The following KCNQ3 variants were observed in gnomAD, a reference collection of about 807,000 sequenced individuals.
KCNQ3 encodes potassium voltage-gated channel subfamily KQT member 3.
Under a neutral mutation model 92.5 loss-of-function variants are expected in KCNQ3, and 30 were observed. The observed-to-expected ratio is 0.32, with a 90% CI of 0.24 to 0.44. KCNQ3 has a LOEUF of 0.44. KCNQ3 is among the 20% of genes least tolerant of loss of function. KCNQ3 has a pLI of 1.00. For missense variants in KCNQ3, 913 were observed against 1,140.3 expected, an observed-to-expected ratio of 0.80 and a Z score of 2.87; for synonymous variants, 450 against 468.8, an observed-to-expected ratio of 0.96 and a Z score of 0.52.
At chr8:132,424,554 T>C (rs1299649698) in intron 1 of KCNQ3, among the ~76,000 whole-genome samples, 1 of 152,192 alleles carries the variant, frequency 6.6e-6, no homozygotes, top group Non-Finnish European at 1.5e-5. Context: ...TCCTGCCTCA[T>C]CAGGAGAAGG....
rs1824773526 is a variant in KCNQ3 at position 132,129,299 on chromosome 8, G to A, written c.2582C>T (p.Ser861Phe). ...ATTGGAAGGGGTCCATACTGAATCA[G>A]AAATCCCATCCCCTGTGGACGACAG... ...MPLSSTGDGISDSVWTPSNKP... is the reference protein window; with the variant it reads ...MPLSSTGDGIFDSVWTPSNKP... Residue 861 changes from serine (S) to phenylalanine (F), a missense_variant, in exon 15 of 15, where the codon TCT becomes TTT. Physicochemically the swap from Ser to Phe is radical, Grantham distance 155 (BLOSUM62 -2). Transcript: ENST00000388996. The surrounding 1 kb of genome is among the most constrained non-coding windows in gnomAD (Gnocchi z 5.9). 7.4e-6 allele frequency: 12 copies of A among 1,613,844 alleles called. No homozygotes were observed. In the East Asian group the frequency reaches 2.7e-4, roughly 36 times the overall value.
intron 1 of KCNQ3, among the ~76,000 whole-genome samples, chr8:132,192,447 C>T (rs1019583856): frequency 1.3e-5 from 2 of 152,200 alleles, no homozygotes; most frequent in African/African-American, 4.8e-5. Flanking sequence ...GGATGTGGCG[C>T]TGAACGTGGG....
At chr8:132,449,994 G>C (rs530782190) in intron 1 of KCNQ3, among the ~76,000 whole-genome samples, 1 of 152,190 alleles carries the variant, frequency 6.6e-6, no homozygotes, top group African/African-American at 2.4e-5. Flanking sequence ...CAGTCTTGCT[G>C]ACTTTAAGAA....
chr8:132,244,115 G>A (rs1815082297), intron 1 of KCNQ3, among the ~76,000 whole-genome samples: 1 of 152,008 alleles, frequency 6.6e-6, no homozygotes, highest in African/African-American at 2.4e-5. Flanking sequence ...AACTGGTCAG[G>A]GTCAGAGACC....
At chr8:132,162,564 G>A (rs1326344215) in intron 9 of KCNQ3, among the ~76,000 whole-genome samples, 1 of 152,144 alleles carries the variant, frequency 6.6e-6, no homozygotes, top group African/African-American at 2.4e-5. Context: ...CACCATTACT[G>A]TCATTCACCT....
At chr8:132,257,200 AAAG>A (rs1815618400) in intron 1 of KCNQ3, among the ~76,000 whole-genome samples, 1 of 152,140 alleles carries the variant, frequency 6.6e-6, no homozygotes, top group South Asian at 2.1e-4. Flanking sequence ...TGATAAATTA[AAAG>A]AATTAATTTT....
At chr8:132,235,907 AC>A (rs1814797992) in intron 1 of KCNQ3, among the ~76,000 whole-genome samples, 1 of 152,106 alleles carries the variant, frequency 6.6e-6, no homozygotes, top group African/African-American at 2.4e-5. Context: ...CTAGCACTTA[AC>A]CCTGTCTGAA....
chr8:132,418,363 A>G (rs1820876917), intron 1 of KCNQ3, among the ~76,000 whole-genome samples: 3 of 152,032 alleles, frequency 2.0e-5, no homozygotes, highest in Admixed American at 2.0e-4. Context: ...CTGGCAGGAG[A>G]GCAGAAAAAA....
At chr8:132,393,463 G>C (rs1249389655) in intron 1 of KCNQ3, among the ~76,000 whole-genome samples, 23 of 152,190 alleles carry the variant, frequency 1.5e-4, no homozygotes, top group Admixed American at 1.5e-3. Context: ...TAAACAAAGA[G>C]TATGGCTGGG....
At chr8:132,225,921 T>C (rs955573467) in intron 1 of KCNQ3, among the ~76,000 whole-genome samples, 2 of 152,124 alleles carry the variant, frequency 1.3e-5, no homozygotes, top group African/African-American at 4.8e-5. Flanking sequence ...ATAGAACAAA[T>C]GAGCTTGAAG....
chr8:132,283,057 G>A (rs1816575924), intron 1 of KCNQ3, among the ~76,000 whole-genome samples: 1 of 150,426 alleles, frequency 6.6e-6, no homozygotes, highest in African/African-American at 2.5e-5. Context: ...AGGGAATGAG[G>A]CAGAAAGGAG....
At chr8:132,331,839 G>A (rs905900802) in intron 1 of KCNQ3, among the ~76,000 whole-genome samples, 26 of 152,362 alleles carry the variant, frequency 1.7e-4, no homozygotes, top group East Asian at 7.7e-4. Flanking sequence ...CACAAAGGCT[G>A]AAGATGAAGA....
intron 1 of KCNQ3, among the ~76,000 whole-genome samples, chr8:132,435,518 C>T (rs115282221): frequency 0.018 from 2,677 of 152,222 alleles, 74 homozygotes; most frequent in African/African-American, 0.061. Flanking sequence ...TTGGTGCATT[C>T]AATTTTCAAA....
At chr8:132,219,674 A>C (rs1369132216) in intron 1 of KCNQ3, among the ~76,000 whole-genome samples, 1 of 152,114 alleles carries the variant, frequency 6.6e-6, no homozygotes, top group African/African-American at 2.4e-5. Context: ...ATTTAAATAT[A>C]AATGTAATGA....
intron 7 of KCNQ3, among the ~76,000 whole-genome samples, chr8:132,170,633 T>C (rs972246269): frequency 6.6e-6 from 1 of 151,976 alleles, no homozygotes; most frequent in Non-Finnish European, 1.5e-5. Context: ...GGAGCTATAA[T>C]TGGTGTTGTG....
At chr8:132,252,896 ACATTCAGAGAGTGACAC>A (rs1382984765) in intron 1 of KCNQ3, among the ~76,000 whole-genome samples, 1 of 152,144 alleles carries the variant, frequency 6.6e-6, no homozygotes, top group East Asian at 1.9e-4. Context: ...CAGCATATAG[ACATTCAGAGAGTGACAC>A]TACTCTGGGT....
At chr8:132,166,635 T>C (rs561843435) in intron 8 of KCNQ3, among the ~76,000 whole-genome samples, 44 of 152,296 alleles carry the variant, frequency 2.9e-4, no homozygotes, top group African/African-American at 9.6e-4. Flanking sequence ...TGAAACTCTT[T>C]GAAGTTCTTT....
intron 1 of KCNQ3, among the ~76,000 whole-genome samples, chr8:132,304,507 T>C (rs2130594319): frequency 6.6e-6 from 1 of 152,300 alleles, no homozygotes; most frequent in South Asian, 2.1e-4. Flanking sequence ...TATAGAGTTA[T>C]TTAGAGCAAC....
chr8:132,150,380 T>C (rs1441866329), intron 9 of KCNQ3, among the ~76,000 whole-genome samples: 1 of 152,090 alleles, frequency 6.6e-6, no homozygotes, highest in Non-Finnish European at 1.5e-5. Context: ...TATGTGAGCT[T>C]TTGTGGTTTG....
Sources: gnomAD v4.1 joint callset for allele counts (sites outside exome capture counted in the v4.1 genomes callset) on GRCh38, gnomAD v4.1.1 for gene constraint, Gnocchi (gnomAD v3.1) non-coding constraint, MANE v1.5 for transcripts, NCBI Gene and HGNC (gene_info 2026-07-23, HGNC 2026-07-21) for gene names.